PTPN9: variants seen among roughly 807,000 people sequenced by gnomAD.
PTPN9 encodes the protein tyrosine-protein phosphatase non-receptor type 9.
PTPN9 carries 26 observed loss-of-function variants against 69.8 expected under a neutral mutation model. The observed-to-expected ratio is 0.37, with a 90% confidence interval of 0.27 to 0.52. The LOEUF (loss-of-function observed/expected upper bound fraction) is 0.52, where lower values mean the gene tolerates loss of function less well. PTPN9 is among the 20% of genes least tolerant of loss of function. The pLI, the probability that PTPN9 is intolerant of heterozygous loss-of-function variation, is 0.91. For missense variants in PTPN9, 549 were observed against 740.3 expected, an observed-to-expected ratio of 0.74 and a Z score of 3.00; for synonymous variants, 274 against 272.5, an observed-to-expected ratio of 1.01 and a Z score of -0.05.
chr15:75,547,294 C>CCA lies in PTPN9; in HGVS notation c.64-20034_64-20033insTG, dbSNP rs1567516454. On this transcript the variant is annotated intron_variant, in intron 1 of 12. Transcript: ENST00000618819. ...TGGCCGACAGAGCAAGACTCTGTCT[C>CCA]AAAAAAAAAAAAAAAAAAAAAAGGC... 2.3e-4 allele frequency among the ~76,000 whole-genome samples: 14 copies of CCA among 60,056 alleles called. 1 individual carries two copies. The highest frequency in any genetic ancestry group is 4.3e-4 in the Admixed American group (2 of 4,632). 39.4% of individuals were successfully genotyped at this position (60,056 alleles called of 152,430 possible).
chr15:75,558,439 G>A (rs1205941331), intron 1 of PTPN9, among the ~76,000 whole-genome samples: 8 of 152,262 alleles, frequency 5.3e-5, no homozygotes, highest in Non-Finnish European at 7.4e-5. Context: ...CCTGGGAGGC[G>A]GAGGTTGCAG....
At chr15:75,508,159 A>C (rs1381247412) in intron 6 of PTPN9, among the ~76,000 whole-genome samples, 1 of 152,044 alleles carries the variant, frequency 6.6e-6, no homozygotes. Flanking sequence ...TAATTGCTGC[A>C]ATCAGTAACT....
intron 1 of PTPN9, among the ~76,000 whole-genome samples, chr15:75,574,942 CAAAAAAAAAAAA>C (rs771896991): frequency 1.1e-4 from 3 of 27,038 alleles, no homozygotes; most frequent in African/African-American, 3.8e-4. Context: ...AACTCTGTCT[CAAAAAAAAAAAA>C]AAAAAAAGAA....
intron 8 of PTPN9, among the ~76,000 whole-genome samples, chr15:75,489,406 T>C (rs1178866498): frequency 6.6e-6 from 1 of 151,982 alleles, no homozygotes; most frequent in East Asian, 1.9e-4. Context: ...CTAGGCAACA[T>C]AGTGAGAACT....
chr15:75,487,032 G>T (rs1253475853), intron 8 of PTPN9, among the ~76,000 whole-genome samples: 1 of 151,912 alleles, frequency 6.6e-6, no homozygotes, highest in Non-Finnish European at 1.5e-5. Context: ...TGATCTGCCC[G>T]CCTCGGCCTC....
chr15:75,554,201 T>A (rs181514173), intron 1 of PTPN9, among the ~76,000 whole-genome samples: 4,972 of 139,628 alleles, frequency 0.036, 272 homozygotes, highest in Admixed American at 0.12. Flanking sequence ...GAAAAAAAAA[T>A]TTTTTTTTTT....
chr15:75,542,257 CTTTCT>C (rs2075012442), intron 1 of PTPN9, among the ~76,000 whole-genome samples: 1 of 152,072 alleles, frequency 6.6e-6, no homozygotes. Flanking sequence ...GATAGAAAGT[CTTTCT>C]TGTTCATCCG....
chr15:75,573,773 T>C (rs1355761159), intron 1 of PTPN9, among the ~76,000 whole-genome samples: 1 of 152,218 alleles, frequency 6.6e-6, no homozygotes, highest in Non-Finnish European at 1.5e-5. Context: ...CCAACCCTCA[T>C]AGAGCTTGCT....
intron 1 of PTPN9, among the ~76,000 whole-genome samples, chr15:75,534,512 A>G (rs978577845): frequency 2.0e-5 from 3 of 151,906 alleles, no homozygotes; most frequent in African/African-American, 7.3e-5. Flanking sequence ...CATCTCTACA[A>G]AAAAATTTAA....
At chr15:75,562,701 G>A (rs1338793879) in intron 1 of PTPN9, among the ~76,000 whole-genome samples, 3 of 150,840 alleles carry the variant, frequency 2.0e-5, no homozygotes, top group Non-Finnish European at 3.0e-5. Context: ...GTGTGGTGGC[G>A]GGCGCCCGTA....
Position 75,509,007 on chromosome 15 carries a change from C to T in PTPN9, c.549G>A (p.Leu183=). ...GTGCCCCCACAATCAGCACCTTCTT[C>T]AAACGAGCTGGAAATGCTCCCTGTG... is the stretch of plus-strand genomic sequence containing the variant. The part of the protein sequence containing the change: ...NLLKGAFPAR[L]KKVLIVGAPI... The change falls in exon 6 of 13, where the codon TTG becomes TTA. Residue 183 remains leucine (L), a synonymous_variant. Coordinates refer to ENST00000618819, the MANE Select transcript of PTPN9 (RefSeq NM_002833.4). 2 of 1,614,062 alleles carry T rather than the reference C, an allele frequency of 1.2e-6. No homozygotes were observed. Among genetic ancestry groups the T allele is most frequent in the African/African-American group, 2.7e-5 (2 of 75,060 alleles).
chr15:75,526,168 T>A (rs1187302159), intron 2 of PTPN9, among the ~76,000 whole-genome samples: 1 of 151,982 alleles, frequency 6.6e-6, no homozygotes, highest in African/African-American at 2.4e-5. Context: ...ATTTTTGTAG[T>A]TTTAGTAGAG....
chr15:75,482,016 G>C (rs1210366181), intron 8 of PTPN9, among the ~76,000 whole-genome samples: 1 of 145,936 alleles, frequency 6.9e-6, no homozygotes, highest in Non-Finnish European at 1.5e-5. Context: ...GGAATAGAAA[G>C]GGGGGAAAGG....
intron 7 of PTPN9, among the ~76,000 whole-genome samples, chr15:75,491,316 T>C (rs1426362687): frequency 2.7e-5 from 4 of 150,244 alleles, no homozygotes; most frequent in African/African-American, 4.9e-5. Context: ...GCCAGGAGAA[T>C]CGCTTGAACC....
chr15:75,507,654 C>T (rs919264594), intron 6 of PTPN9, among the ~76,000 whole-genome samples: 1 of 151,978 alleles, frequency 6.6e-6, no homozygotes, highest in Non-Finnish European at 1.5e-5. Context: ...GTAGTCCCAG[C>T]TACTAGGGAG....
chr15:75,550,848 T>C (rs2075053960), intron 1 of PTPN9, among the ~76,000 whole-genome samples: 1 of 152,040 alleles, frequency 6.6e-6, no homozygotes, highest in African/African-American at 2.4e-5. Flanking sequence ...AGGGTCTCAC[T>C]GTGTTGGCCA....
intron 9 of PTPN9, among the ~76,000 whole-genome samples, chr15:75,477,755 T>TA (rs1289223529): frequency 5.3e-5 from 8 of 150,314 alleles, no homozygotes; most frequent in East Asian, 1.9e-4. Flanking sequence ...CAATGTTGGC[T>TA]AAAAAAAATC....
chr15:75,543,749 A>G (rs918946322), intron 1 of PTPN9, among the ~76,000 whole-genome samples: 4 of 152,202 alleles, frequency 2.6e-5, no homozygotes, highest in Non-Finnish European at 5.9e-5. Flanking sequence ...AATAACAATA[A>G]AACATATTAG....
intron 10 of PTPN9, among the ~76,000 whole-genome samples, chr15:75,473,426 T>G (rs2074579305): frequency 6.6e-6 from 1 of 152,058 alleles, no homozygotes; most frequent in Non-Finnish European, 1.5e-5. Flanking sequence ...ATTTTTTGTA[T>G]TTTTAATAGA....
Sources: allele counts gnomAD v4.1 joint callset (sites outside exome capture counted in the v4.1 genomes callset), GRCh38; gene constraint gnomAD v4.1.1; transcripts MANE v1.5; gene names NCBI Gene and HGNC (gene_info 2026-07-23, HGNC 2026-07-21).